Variants in APBA1 observed in about 807,000 individuals in gnomAD.
APBA1 encodes amyloid beta precursor protein binding family A member 1.
APBA1 carries 55 observed loss-of-function variants against 86.6 expected under a neutral mutation model. The observed-to-expected ratio is 0.64, with a 90% CI of 0.51 to 0.80. The LOEUF (loss-of-function observed/expected upper bound fraction) is 0.80, where lower values mean the gene tolerates loss of function less well. APBA1 is among the 30% of genes least tolerant of loss of function. The probability of loss-of-function intolerance (pLI) is 0.00; values close to 1 mark genes in which losing one functional copy is unlikely to be tolerated. For missense variants in APBA1, 1,090 were observed against 1,183.0 expected (o/e 0.92, Z 1.15); for synonymous variants, 511 against 493.9 (o/e 1.03, Z -0.46).
chr9:69,432,471 A>G, intron 12 of APBA1, 65 bp downstream of exon 12: 2 of 1,400,924 alleles, frequency 1.4e-6, no homozygotes, highest in South Asian at 3.6e-5. Flanking sequence ...GGCCACGGTG[A>G]GCATACGAGG....
chr9:69,669,644 A>G (rs1313926887), intron 1 of APBA1, among the ~76,000 whole-genome samples: 1 of 152,192 alleles, frequency 6.6e-6, no homozygotes, highest in Non-Finnish European at 1.5e-5. Context: ...GTGTGGTGCC[A>G]TGTGCCTATT....
chr9:69,609,282 A>C (rs1204320112), intron 1 of APBA1, among the ~76,000 whole-genome samples: 1 of 152,176 alleles, frequency 6.6e-6, no homozygotes, highest in Non-Finnish European at 1.5e-5. Context: ...GAGGGTTTTC[A>C]TGTGCAAATG....
intron 5 of APBA1, among the ~76,000 whole-genome samples, chr9:69,467,525 A>C (rs1396602515): frequency 1.3e-5 from 2 of 152,214 alleles, no homozygotes; most frequent in Non-Finnish European, 2.9e-5. Flanking sequence ...TTGAGACATA[A>C]TACTCAAAAC....
At chr9:69,455,947 A>G (rs1278362207) in intron 8 of APBA1, among the ~76,000 whole-genome samples, 1 of 151,944 alleles carries the variant, frequency 6.6e-6, no homozygotes, top group Non-Finnish European at 1.5e-5. Context: ...TGATCACCCT[A>G]CCTGACATAG....
chr9:69,589,031 T>C (rs936818217), intron 1 of APBA1, among the ~76,000 whole-genome samples: 6 of 152,228 alleles, frequency 3.9e-5, no homozygotes, highest in African/African-American at 1.4e-4. Context: ...CTCAGCTCAC[T>C]GCAACCTCTG....
intron 1 of APBA1, among the ~76,000 whole-genome samples, chr9:69,655,870 T>G (rs1823597759): frequency 6.6e-6 from 1 of 152,200 alleles, no homozygotes; most frequent in Non-Finnish European, 1.5e-5. Flanking sequence ...GTATTATATA[T>G]TTTAAGATAA....
At chr9:69,481,994 G>C (rs1023882240) in intron 2 of APBA1, among the ~76,000 whole-genome samples, 1 of 150,528 alleles carries the variant, frequency 6.6e-6, no homozygotes, top group East Asian at 2.0e-4. Context: ...AGACTTAAAC[G>C]TTAGACCTAA....
chr9:69,624,538 C>G (rs920755940), intron 1 of APBA1, among the ~76,000 whole-genome samples: 2 of 152,150 alleles, frequency 1.3e-5, no homozygotes, highest in African/African-American at 2.4e-5. Context: ...CACCATGACT[C>G]CACAGAGCTT....
At chr9:69,572,258 C>T (rs1208546585) in intron 1 of APBA1, among the ~76,000 whole-genome samples, 1 of 152,156 alleles carries the variant, frequency 6.6e-6, no homozygotes, top group Non-Finnish European at 1.5e-5. Context: ...TCCCCCCTGA[C>T]AGGCCCCAGT....
rs575570109 is a variant in APBA1, at chr9:69,518,187, C to T, written c.-69-908G>A. On this transcript the variant is annotated intron_variant, in intron 1 of 12. Coordinates refer to ENST00000265381, the MANE Select transcript of APBA1 (RefSeq NM_001163.4). The stretch of plus-strand genomic sequence containing the variant: ...TGCAAGTAAAAATACAGTATAACAA[C>T]AATTTATATAGCATTTATATTGTAT... Among the ~76,000 whole-genome samples the T allele has an allele frequency of 5.3e-5, 8 of 152,228 alleles. 1 individual carries two copies. In the East Asian group the frequency reaches 1.5e-3, roughly 29 times the overall value.
At chr9:69,530,241 A>C (rs1836403844) in intron 1 of APBA1, among the ~76,000 whole-genome samples, 1 of 151,570 alleles carries the variant, frequency 6.6e-6, no homozygotes, top group Non-Finnish European at 1.5e-5. Context: ...CACAATAGCA[A>C]AGTTATGGAA....
chr9:69,598,516 G>A (rs1251675289), intron 1 of APBA1, among the ~76,000 whole-genome samples: 1 of 152,144 alleles, frequency 6.6e-6, no homozygotes, highest in Non-Finnish European at 1.5e-5. Flanking sequence ...GTAATGACAG[G>A]TGTGGTCCTT....
chr9:69,529,028 GT>G (rs1836385321), intron 1 of APBA1, among the ~76,000 whole-genome samples: 1 of 151,924 alleles, frequency 6.6e-6, no homozygotes, highest in Admixed American at 6.6e-5. Context: ...ATTCTCTCAA[GT>G]TTTCTGTAGC....
chr9:69,490,542 G>A (rs1248682445), intron 2 of APBA1, among the ~76,000 whole-genome samples: 2 of 151,524 alleles, frequency 1.3e-5, no homozygotes, highest in African/African-American at 4.8e-5. Flanking sequence ...ACATAGGCAT[G>A]GGCAAATACT....
At chr9:69,618,706 C>T (rs1323558965) in intron 1 of APBA1, among the ~76,000 whole-genome samples, 2 of 152,132 alleles carry the variant, frequency 1.3e-5, no homozygotes, top group Admixed American at 6.6e-5. Flanking sequence ...AAGAACCCAG[C>T]CTGAGAGTGA....
intron 10 of APBA1, among the ~76,000 whole-genome samples, chr9:69,441,697 A>C (rs571397975): frequency 1.1e-4 from 16 of 152,300 alleles, no homozygotes; most frequent in African/African-American, 3.4e-4. Flanking sequence ...CAGGGACTCC[A>C]ATCAGTGTGT....
chr9:69,579,677 A>G (rs1821877742), intron 1 of APBA1, among the ~76,000 whole-genome samples: 1 of 152,202 alleles, frequency 6.6e-6, no homozygotes, highest in Non-Finnish European at 1.5e-5. Context: ...CATCTCACCA[A>G]AACCGTCTTG....
At chr9:69,569,448 AGTGT>A (rs71507121) in intron 1 of APBA1, among the ~76,000 whole-genome samples, 34,924 of 144,772 alleles carry the variant, frequency 0.24, 4,194 homozygotes, top group African/African-American at 0.29. Context: ...GTCACGTGTG[AGTGT>A]GTGTGTGTGT....
At chr9:69,578,216 T>C (rs553955034) in intron 1 of APBA1, among the ~76,000 whole-genome samples, 5 of 152,346 alleles carry the variant, frequency 3.3e-5, no homozygotes, top group African/African-American at 1.2e-4. Flanking sequence ...AGGCCTTTTC[T>C]GTGCTCACTG....
Sources: allele counts gnomAD v4.1 joint callset (sites outside exome capture counted in the v4.1 genomes callset), GRCh38; gene constraint gnomAD v4.1.1; transcripts MANE v1.5; gene names NCBI Gene and HGNC (gene_info 2026-07-23, HGNC 2026-07-21).